Variants in ANO4 observed in about 807,000 individuals in gnomAD.
ANO4 encodes anoctamin-4.
Under a neutral mutation model 141.9 loss-of-function variants are expected in ANO4, and 69 were observed. That is an observed-to-expected ratio of 0.49 (90% CI 0.40 to 0.59). ANO4 has a LOEUF of 0.59. Among genes scored for constraint, ANO4 ranks in the 20% least tolerant of loss-of-function variants. The pLI is 0.00. For synonymous variants in ANO4, 350 were observed against 394.3 expected, an observed-to-expected ratio of 0.89 and a Z score of 1.33; for missense variants, 894 against 1,162.2, an observed-to-expected ratio of 0.77 and a Z score of 3.36.
chr12:101,109,986 G>T (rs182585052), intron 22 of ANO4, among the ~76,000 whole-genome samples: 2 of 152,114 alleles, frequency 1.3e-5, no homozygotes. Context: ...AGATTTGGCC[G>T]TTAGGGGTGC....
chr12:100,882,443 A>G (rs2039616158), intron 1 of ANO4, among the ~76,000 whole-genome samples: 1 of 152,178 alleles, frequency 6.6e-6, no homozygotes, highest in South Asian at 2.1e-4. Context: ...TATTTCGTAG[A>G]TAAGAAAACT....
At chr12:100,987,402 A>G (rs1180974872) in intron 7 of ANO4, 137 bp from the exon 8 acceptor site, 5 of 1,100,856 alleles carry the variant, frequency 4.5e-6, no homozygotes, top group Non-Finnish European at 6.5e-6. Flanking sequence ...CATCTATAAA[A>G]CAAGGATATC....
At chr12:100,807,084 A>G (rs1011984685) in intron 1 of ANO4, among the ~76,000 whole-genome samples, 2 of 152,360 alleles carry the variant, frequency 1.3e-5, no homozygotes, top group African/African-American at 4.8e-5. Flanking sequence ...TGTAAATAAA[A>G]TCATACTTAT....
chr12:101,017,736 C>A (rs2046369498), intron 8 of ANO4, among the ~76,000 whole-genome samples: 1 of 152,160 alleles, frequency 6.6e-6, no homozygotes. Flanking sequence ...ATCACTTAAC[C>A]TCTCTGATTC....
At chr12:100,997,921 T>G (rs1018888305) in intron 8 of ANO4, among the ~76,000 whole-genome samples, 3 of 150,988 alleles carry the variant, frequency 2.0e-5, no homozygotes, top group African/African-American at 7.3e-5. Context: ...ATCAGCATGG[T>G]TCTGAAGACT....
rs193180746 is a variant in ANO4, at chr12:100,751,759, T to G, written c.358+11654T>G. Among the ~76,000 whole-genome samples the G allele has an allele frequency of 2.4e-4, 36 of 152,186 alleles. No individual in the cohort carries two copies. The East Asian group carries it at 5.6e-3, about 24-fold the overall frequency. ...GGGATAGGCTAGTAGAAGAGAGAGA[T>G]ATGAAATAATCACCCAAATAAGGAA... On this transcript the variant is annotated intron_variant, in intron 3 of 29. Coordinates refer to the ANO4 transcript ENST00000644049.
chr12:100,846,164 G>A (rs960792890), intron 1 of ANO4, among the ~76,000 whole-genome samples: 5 of 152,202 alleles, frequency 3.3e-5, no homozygotes, highest in Admixed American at 2.0e-4. Flanking sequence ...CCCTTGATCA[G>A]TGTTAAATCT....
chr12:100,750,553 G>A (rs1447623470), intron 3 of ANO4, among the ~76,000 whole-genome samples: 1 of 152,112 alleles, frequency 6.6e-6, no homozygotes, highest in Non-Finnish European at 1.5e-5. Context: ...CAAATAATTT[G>A]TGGTCACTAA....
At chr12:100,892,516 T>C (rs570623341) in intron 1 of ANO4, among the ~76,000 whole-genome samples, 1 of 152,320 alleles carries the variant, frequency 6.6e-6, no homozygotes, top group African/African-American at 2.4e-5. Flanking sequence ...TTGAGAATAT[T>C]TGAGTTTAGT....
rs71091476 is a variant in ANO4, at chr12:101,103,183, T to TTA, written c.2149+3509_2149+3510dup. Among the ~76,000 whole-genome samples, 47 of 18,582 alleles carry TTA rather than the reference T, an allele frequency of 2.5e-3. 1 individual carries two copies. The highest frequency in any genetic ancestry group is 0.036 in the Middle Eastern group (1 of 28). The allele number at this position is 18,582 out of a possible 152,430, so 12.2% of individuals were successfully genotyped here. A position where few individuals can be genotyped will look rare whatever the true frequency, so the allele number is the denominator to read the frequency against. ...CTTTACATTTTCCTTTTTAGTCATT[T>TTA]TATATATATATATATATATATATAT... On this transcript the variant is annotated intron_variant, in intron 22 of 27. Transcript: ENST00000392977.
chr12:100,779,446 G>A (rs942162873), intron 3 of ANO4, among the ~76,000 whole-genome samples: 1 of 152,216 alleles, frequency 6.6e-6, no homozygotes, highest in African/African-American at 2.4e-5. Context: ...AGCATGAGAT[G>A]CAGCTTTGCT....
intron 1 of ANO4, among the ~76,000 whole-genome samples, chr12:100,827,204 C>G (rs923472778): frequency 3.3e-5 from 5 of 151,920 alleles, no homozygotes; most frequent in African/African-American, 1.2e-4. Flanking sequence ...CCTCATGTAC[C>G]CTATTTCAGC....
chr12:101,053,616 C>T (rs2047967976), intron 14 of ANO4, among the ~76,000 whole-genome samples: 1 of 152,100 alleles, frequency 6.6e-6, no homozygotes, highest in Admixed American at 6.6e-5. Context: ...TGGCATTTGC[C>T]CCGTGTCTCT....
intron 15 of ANO4, among the ~76,000 whole-genome samples, chr12:101,083,471 A>G (rs1362545034): frequency 6.6e-6 from 1 of 152,188 alleles, no homozygotes; most frequent in Non-Finnish European, 1.5e-5. Flanking sequence ...GCTTTTGATG[A>G]TAGTAAATCT....
intron 1 of ANO4, among the ~76,000 whole-genome samples, chr12:100,733,613 C>T (rs945952456): frequency 6.6e-6 from 1 of 152,194 alleles, no homozygotes; most frequent in Non-Finnish European, 1.5e-5. Flanking sequence ...TGGCACCTGG[C>T]TCTCCCTAAA....
intron 22 of ANO4, among the ~76,000 whole-genome samples, chr12:101,103,225 A>ATC (rs2050277889): frequency 9.3e-6 from 1 of 107,676 alleles, no homozygotes; most frequent in African/African-American, 3.9e-5. Flanking sequence ...ATATATATAT[A>ATC]TATATCTTTT....
In ANO4 at chr12:100,922,266, A is replaced by G. The variant is rs1300432930; in HGVS notation, c.96A>G (p.Gln32=). The G allele has an allele frequency of 2.0e-6, 3 of 1,533,222 alleles. No individual in the cohort carries two copies. The highest frequency in any genetic ancestry group is 2.5e-5 in the East Asian group (1 of 40,770). The allele number at this position is 1,533,222 out of a possible 1,614,324, so 95.0% of individuals were successfully genotyped here. ...TGCAAGGCTACCAGCTGGATATGCA[A>G]ATACTACCTGACGGGCCAAAGAGTG... ...VDLQGYQLDM[Q]ILPDGPKSDV... Residue 32 remains glutamine (Q), a synonymous_variant, in exon 3 of 28, where the codon CAA becomes CAG. Coordinates refer to ENST00000392977, the MANE Select transcript of ANO4 (RefSeq NM_001286615.2).
rs186492949 is a variant in ANO4, at chr12:100,812,393, G to T, written c.-141+17366G>T. Among the ~76,000 whole-genome samples the T allele has an allele frequency of 4.6e-5, 7 of 152,232 alleles. No individual in the cohort carries two copies. In the East Asian group the frequency reaches 1.2e-3, roughly 25 times the overall value. On this transcript the variant is annotated intron_variant, in intron 1 of 27. Transcript: ENST00000392977. Reference sequence around the variant, plus strand: ...TACAAAACAGGCAATATTTTATAGGGAAGTAGCTCTGTTGCCTTTCTGGAT... The same window carrying T: ...TACAAAACAGGCAATATTTTATAGGTAAGTAGCTCTGTTGCCTTTCTGGAT...
intron 22 of ANO4, among the ~76,000 whole-genome samples, chr12:101,109,329 A>T (rs938129118): frequency 9.9e-5 from 15 of 152,130 alleles, no homozygotes; most frequent in African/African-American, 3.1e-4. Flanking sequence ...TTGGGAGGCC[A>T]AGGCAGGCGG....
Sources: gnomAD v4.1 joint callset for allele counts (sites outside exome capture counted in the v4.1 genomes callset) on GRCh38, gnomAD v4.1.1 for gene constraint, MANE v1.5 for transcripts, NCBI Gene and HGNC (gene_info 2026-07-23, HGNC 2026-07-21) for gene names.